Variants in KPNA1 observed in about 807,000 individuals in gnomAD.
KPNA1 encodes the protein importin subunit alpha-5.
KPNA1 carries 10 observed loss-of-function variants against 70.5 expected under a neutral mutation model. The observed-to-expected ratio is 0.14, with a 90% confidence interval of 0.09 to 0.24. The LOEUF (loss-of-function observed/expected upper bound fraction) is 0.24. KPNA1 is among the 10% of genes least tolerant of loss of function. The pLI is 1.00. For missense variants in KPNA1, 397 were observed against 637.9 expected, an observed-to-expected ratio of 0.62 and a Z score of 4.07; for synonymous variants, 192 against 221.9, an observed-to-expected ratio of 0.87 and a Z score of 1.20.
At position 122,423,428 on chromosome 3, in the gene KPNA1, A is replaced by G. The variant is rs888406388; in HGVS notation, c.*3557T>C. On this transcript the variant is annotated 3_prime_UTR_variant, in exon 14 of 14. Transcript: ENST00000344337. Reference sequence around the variant, plus strand: ...TTGAAAGCAAACAATGCTGGTTTCTAAAAGTGGATCCCTTTTCTTCACTGA... The same window carrying G: ...TTGAAAGCAAACAATGCTGGTTTCTGAAAGTGGATCCCTTTTCTTCACTGA... 2.0e-5 allele frequency: 3 copies of G among 152,250 alleles called. No individual in the cohort carries two copies. The highest frequency in any genetic ancestry group is 4.4e-5 in the Non-Finnish European group (3 of 68,036). 9.4% of individuals were successfully genotyped at this position (152,250 alleles called of 1,614,324 possible).
At chr3:122,464,393 G>A (rs1312190664) in intron 3 of KPNA1, 1 of 169,222 alleles carries the variant, frequency 5.9e-6, no homozygotes, top group Non-Finnish European at 1.3e-5. Flanking sequence ...CAAGCCTAAA[G>A]TAGCCACTTT....
intron 10 of KPNA1, among the ~76,000 whole-genome samples, chr3:122,438,449 C>CA (rs1281982819): frequency 1.3e-5 from 2 of 151,742 alleles, no homozygotes; most frequent in Non-Finnish European, 2.9e-5. Flanking sequence ...CGCAATGGCA[C>CA]AATCTCTGCT....
chr3:122,513,572 G>C (rs1220351885), intron 1 of KPNA1, among the ~76,000 whole-genome samples: 2 of 152,050 alleles, frequency 1.3e-5, no homozygotes, highest in African/African-American at 4.8e-5. Context: ...GTTCCAGCTA[G>C]TAGGGAGGAT....
At chr3:122,430,559 C>CTCTGTG (rs1553780640) in intron 12 of KPNA1, among the ~76,000 whole-genome samples, 2 of 145,004 alleles carry the variant, frequency 1.4e-5, no homozygotes, top group Non-Finnish European at 3.0e-5. Flanking sequence ...CTCAAATAAA[C>CTCTGTG]TGTGTGTGTG....
intron 2 of KPNA1, among the ~76,000 whole-genome samples, chr3:122,492,179 A>G (rs1355126449): frequency 6.6e-6 from 1 of 152,100 alleles, no homozygotes; most frequent in Non-Finnish European, 1.5e-5. Flanking sequence ...CATTTTAACT[A>G]TGCTTTCTTT....
At chr3:122,504,618 A>T (rs951310142) in intron 1 of KPNA1, among the ~76,000 whole-genome samples, 4 of 152,134 alleles carry the variant, frequency 2.6e-5, no homozygotes, top group Admixed American at 6.5e-5. Flanking sequence ...TGAACCCAAA[A>T]CTGCTCTAAG....
intron 2 of KPNA1, among the ~76,000 whole-genome samples, chr3:122,475,284 A>T (rs1207604774): frequency 6.6e-6 from 1 of 152,208 alleles, no homozygotes; most frequent in Non-Finnish European, 1.5e-5. Context: ...TAAAATACTT[A>T]GGAATAAATT....
Position 122,451,516 on chromosome 3 carries a change from C to A in KPNA1, c.753+18G>T. On this transcript the variant is annotated intron_variant, in intron 8 of 13. Transcript: ENST00000344337. ...AATTGTATTTTTTCTGCCAATGTCCCAAAAGCATAGTCCTTACCTTTGCAA... is the reference window on the plus strand; with the variant it reads ...AATTGTATTTTTTCTGCCAATGTCCAAAAAGCATAGTCCTTACCTTTGCAA... 6.8e-7 allele frequency: 1 copy of A among 1,479,546 alleles called. No homozygotes were observed. The highest frequency in any genetic ancestry group is 9.3e-7 in the Non-Finnish European group (1 of 1,071,834). The allele number at this position is 1,479,546 out of a possible 1,614,324, so 91.7% of individuals were successfully genotyped here.
intron 1 of KPNA1, among the ~76,000 whole-genome samples, chr3:122,500,506 T>C (rs1354453496): frequency 1.3e-5 from 2 of 150,708 alleles, no homozygotes; most frequent in African/African-American, 4.9e-5. Context: ...CTAATTTTTT[T>C]TTTCCCCCAG....
chr3:122,432,120 A>G (rs1226459837), intron 12 of KPNA1, among the ~76,000 whole-genome samples: 1 of 152,224 alleles, frequency 6.6e-6, no homozygotes, highest in Non-Finnish European at 1.5e-5. Flanking sequence ...TTCAATTAAG[A>G]AAATATATTT....
At chr3:122,468,751 T>C (rs1211143020) in intron 2 of KPNA1, among the ~76,000 whole-genome samples, 1 of 151,942 alleles carries the variant, frequency 6.6e-6, no homozygotes, top group Admixed American at 6.6e-5. Context: ...AGGAGAGAGA[T>C]GGAAATTCTA....
intron 2 of KPNA1, among the ~76,000 whole-genome samples, chr3:122,476,440 T>C (rs2076498321): frequency 6.6e-6 from 1 of 152,096 alleles, no homozygotes; most frequent in South Asian, 2.1e-4. Context: ...CAACAAACTT[T>C]TTAAAAAGCA....
intron 1 of KPNA1, among the ~76,000 whole-genome samples, chr3:122,496,799 G>A (rs2076766883): frequency 1.3e-5 from 2 of 152,168 alleles, no homozygotes. Context: ...AAATTCCTGG[G>A]TTCAAGCAAT....
At position 122,461,275 on chromosome 3, in the gene KPNA1, T is replaced by C; in HGVS notation, c.381A>G (p.Val127=). 4.3e-6 allele frequency: 7 copies of C among 1,613,480 alleles called. No homozygotes were observed. The highest frequency in any genetic ancestry group is 5.1e-6 in the Non-Finnish European group (6 of 1,179,552). The part of the protein sequence containing the change: ...PIDEVISTPG[V]VARFVEFLKR... Reference sequence around the variant, plus strand: ...TGAGGAACTCCACAAACCTGGCCACTACTCCTGGTGTGCTGATAACTTCAT... The same window carrying C: ...TGAGGAACTCCACAAACCTGGCCACCACTCCTGGTGTGCTGATAACTTCAT... The change falls in exon 5 of 14, where the codon GTA becomes GTG. Residue 127 remains valine, a synonymous_variant. Transcript: ENST00000344337.
chr3:122,482,479 C>T (rs1337255145), intron 2 of KPNA1, among the ~76,000 whole-genome samples: 1 of 152,084 alleles, frequency 6.6e-6, no homozygotes, highest in Non-Finnish European at 1.5e-5. Context: ...TTTCATTCAA[C>T]ACTGCACCAT....
rs528585264 is a variant in KPNA1 at position 122,507,137 on chromosome 3, G to A, written c.-6+7620C>T. Among the ~76,000 whole-genome samples, 22 of 152,138 alleles carry A rather than the reference G, an allele frequency of 1.4e-4. No homozygotes were observed. In the East Asian group the frequency reaches 1.7e-3, roughly 12 times the overall value. On this transcript the variant is annotated intron_variant, in intron 1 of 13. Coordinates refer to ENST00000344337, the MANE Select transcript of KPNA1 (RefSeq NM_002264.4). ...TCTCTATACTTTCGAAAAATATTTCGTAACTTAAGAAATCAGAATATAGCT... is the reference window on the plus strand; with the variant it reads ...TCTCTATACTTTCGAAAAATATTTCATAACTTAAGAAATCAGAATATAGCT...
chr3:122,493,354 GAA>G (rs77958342), intron 2 of KPNA1, among the ~76,000 whole-genome samples: 15 of 134,050 alleles, frequency 1.1e-4, no homozygotes, highest in Middle Eastern at 7.5e-3. Flanking sequence ...AAAGGGACAA[GAA>G]AAAAAAAAAA....
chr3:122,435,671 T>C (rs1395420682), intron 11 of KPNA1, among the ~76,000 whole-genome samples: 4 of 152,224 alleles, frequency 2.6e-5, no homozygotes, highest in African/African-American at 9.6e-5. Flanking sequence ...AAATTAATAC[T>C]TTTATCATTT....
intron 9 of KPNA1, among the ~76,000 whole-genome samples, chr3:122,445,992 C>G (rs2076132727): frequency 6.6e-6 from 1 of 152,164 alleles, no homozygotes; most frequent in African/African-American, 2.4e-5. Flanking sequence ...TATATATGCA[C>G]CCAATACAGG....
Sources: gnomAD v4.1 joint callset for allele counts (sites outside exome capture counted in the v4.1 genomes callset) on GRCh38, gnomAD v4.1.1 for gene constraint, MANE v1.5 for transcripts, NCBI Gene and HGNC (gene_info 2026-07-23, HGNC 2026-07-21) for gene names.